MARCHF11: variants seen among roughly 807,000 people sequenced by gnomAD.
MARCHF11 encodes the protein E3 ubiquitin-protein ligase MARCHF11.
Under a neutral mutation model 37.3 loss-of-function variants are expected in MARCHF11, and 29 were observed. The ratio of observed to expected loss-of-function variants is 0.78; its 90% CI spans 0.58 to 1.06. The LOEUF (loss-of-function observed/expected upper bound fraction) is 1.06. Among genes scored for constraint, MARCHF11 ranks in the 50% least tolerant of loss-of-function variants. The pLI, the probability that MARCHF11 is intolerant of heterozygous loss-of-function variation, is 0.00. For missense variants in MARCHF11, 482 were observed against 533.4 expected, an observed-to-expected ratio of 0.90 and a Z score of 0.95; for synonymous variants, 233 against 228.0, an observed-to-expected ratio of 1.02 and a Z score of -0.20.
intron 3 of MARCHF11, among the ~76,000 whole-genome samples, chr5:16,082,125 C>G (rs1251072837): frequency 1.3e-5 from 2 of 152,212 alleles, no homozygotes; most frequent in African/African-American, 4.8e-5. Context: ...CTGACAATTT[C>G]ACATCACAAA....
chr5:16,176,219 T>C (rs928016997), intron 2 of MARCHF11, among the ~76,000 whole-genome samples: 3 of 152,134 alleles, frequency 2.0e-5, no homozygotes, highest in African/African-American at 7.2e-5. Context: ...AAGTTCAAGC[T>C]CTTGAAATAG....
At chr5:16,072,500 C>G (rs1736455521) in intron 3 of MARCHF11, among the ~76,000 whole-genome samples, 1 of 133,146 alleles carries the variant, frequency 7.5e-6, no homozygotes, top group East Asian at 2.4e-4. Flanking sequence ...TGCTCTCTCT[C>G]TCTCTCACTC....
At chr5:16,085,675 G>A (rs6890600) in intron 3 of MARCHF11, among the ~76,000 whole-genome samples, 97 of 152,032 alleles carry the variant, frequency 6.4e-4, no homozygotes, top group African/African-American at 2.2e-3. Context: ...TTACTCCGCC[G>A]GGCGCAGTGG....
chr5:16,126,499 C>T (rs1737409755), intron 2 of MARCHF11, among the ~76,000 whole-genome samples: 1 of 152,180 alleles, frequency 6.6e-6, no homozygotes, highest in African/African-American at 2.4e-5. Flanking sequence ...AACTGCAAAG[C>T]CCCGATTTAA....
chr5:16,113,540 T>G (rs1737182703), intron 2 of MARCHF11, among the ~76,000 whole-genome samples: 1 of 152,120 alleles, frequency 6.6e-6, no homozygotes, highest in Middle Eastern at 3.2e-3. Context: ...AAAACCACAA[T>G]GACTTTTGCA....
At chr5:16,138,163 G>T (rs1001521722) in intron 2 of MARCHF11, among the ~76,000 whole-genome samples, 2 of 152,158 alleles carry the variant, frequency 1.3e-5, no homozygotes, top group African/African-American at 4.8e-5. Context: ...AGGTCTCCAT[G>T]GCAGCCCCTC....
chr5:16,070,986 AC>A (rs143813796), intron 3 of MARCHF11, among the ~76,000 whole-genome samples: 2,804 of 152,216 alleles, frequency 0.018, 73 homozygotes, highest in African/African-American at 0.064. Flanking sequence ...GTTACGGCGA[AC>A]ACCTTTTGTG....
Position 16,150,289 on chromosome 5 carries a change from A to C in MARCHF11, c.693+27437T>G, listed in dbSNP as rs572543218. On this transcript the variant is annotated intron_variant, in intron 2 of 3. Transcript: ENST00000332432. Reference sequence around the variant, plus strand: ...CAGTCTGTGCTGCTCAAAACTAGTAAGTAGTGTGAGAGTCTTGTCTTTCCA... The same window carrying C: ...CAGTCTGTGCTGCTCAAAACTAGTACGTAGTGTGAGAGTCTTGTCTTTCCA... Among the ~76,000 whole-genome samples, 58 of 149,568 alleles carry C rather than the reference A, an allele frequency of 3.9e-4. 9 individuals carry two copies. Among genetic ancestry groups the C allele is most frequent in the African/African-American group, 1.5e-3 (57 of 39,116 alleles).
At chr5:16,155,420 C>T (rs1737964630) in intron 2 of MARCHF11, among the ~76,000 whole-genome samples, 1 of 151,404 alleles carries the variant, frequency 6.6e-6, no homozygotes, top group South Asian at 2.1e-4. Context: ...ATCTGTATTA[C>T]CTGGATTATT....
intron 2 of MARCHF11, among the ~76,000 whole-genome samples, chr5:16,119,224 G>A (rs1293613729): frequency 3.3e-5 from 5 of 152,044 alleles, no homozygotes; most frequent in African/African-American, 1.2e-4. Flanking sequence ...TTAGCCAGGT[G>A]TGGTGACTCA....
At chr5:16,171,663 T>C (rs1313187030) in intron 2 of MARCHF11, among the ~76,000 whole-genome samples, 1 of 152,192 alleles carries the variant, frequency 6.6e-6, no homozygotes, top group Non-Finnish European at 1.5e-5. Context: ...GACAGGAGCT[T>C]ATAATGGCCC....
intron 2 of MARCHF11, among the ~76,000 whole-genome samples, chr5:16,135,334 T>G (rs1028764598): frequency 1.3e-5 from 2 of 152,120 alleles, no homozygotes; most frequent in African/African-American, 4.8e-5. Flanking sequence ...TAGGAGTTAG[T>G]GGGCCAAAAC....
chr5:16,162,263 C>T (rs1259557213), intron 2 of MARCHF11, among the ~76,000 whole-genome samples: 1 of 151,914 alleles, frequency 6.6e-6, no homozygotes, highest in African/African-American at 2.4e-5. Flanking sequence ...CTAAAACCAA[C>T]ATCTCACTAG....
At chr5:16,165,856 A>C (rs1738160483) in intron 2 of MARCHF11, among the ~76,000 whole-genome samples, 1 of 152,060 alleles carries the variant, frequency 6.6e-6, no homozygotes, top group African/African-American at 2.4e-5. Context: ...ACTCTTTGGA[A>C]GCAAGTCACT....
chr5:16,107,323 A>G (rs1483079083), intron 2 of MARCHF11, among the ~76,000 whole-genome samples: 2 of 145,838 alleles, frequency 1.4e-5, no homozygotes, highest in African/African-American at 5.4e-5. Flanking sequence ...GGCTTGATGG[A>G]AGCACTATTG....
At chr5:16,157,730 T>C (rs990403717) in intron 2 of MARCHF11, among the ~76,000 whole-genome samples, 1 of 151,902 alleles carries the variant, frequency 6.6e-6, no homozygotes, top group African/African-American at 2.4e-5. Context: ...TCTGTAAACC[T>C]GCTAGAAGAA....
At chr5:16,153,047 T>C (rs1737914489) in intron 2 of MARCHF11, among the ~76,000 whole-genome samples, 1 of 151,984 alleles carries the variant, frequency 6.6e-6, no homozygotes, top group African/African-American at 2.4e-5. Context: ...TGTCAGGCAC[T>C]GATCCTACCC....
At chr5:16,130,937 A>G (rs1737505179) in intron 2 of MARCHF11, among the ~76,000 whole-genome samples, 1 of 152,220 alleles carries the variant, frequency 6.6e-6, no homozygotes, top group African/African-American at 2.4e-5. Context: ...TGTTAATTTA[A>G]CAGGCAAATA....
intron 1 of MARCHF11, among the ~76,000 whole-genome samples, chr5:16,178,160 T>A (rs1021814729): frequency 2.0e-5 from 3 of 152,244 alleles, no homozygotes; most frequent in African/African-American, 7.2e-5. Context: ...GCTGTACTAT[T>A]AAATCTCTTT....
Sources: allele counts gnomAD v4.1 joint callset (sites outside exome capture counted in the v4.1 genomes callset), GRCh38; gene constraint gnomAD v4.1.1; transcripts MANE v1.5; gene names NCBI Gene and HGNC (gene_info 2026-07-23, HGNC 2026-07-21).